ADGRL4: variants seen among roughly 807,000 people sequenced by gnomAD.
The protein encoded by ADGRL4 is EGF, latrophilin and seven transmembrane domain containing 1.
In ADGRL4, 90 loss-of-function variants were observed where a neutral mutation model predicts 74.8. The observed-to-expected ratio is 1.20, with a 90% confidence interval of 1.02 to 1.43. ADGRL4 has a LOEUF of 1.43. Among genes scored for constraint, ADGRL4 ranks in the 40% most tolerant of loss-of-function variants. The pLI is 0.00. For missense variants in ADGRL4, 881 were observed against 814.3 expected (o/e 1.08, Z -1.00); for synonymous variants, 311 against 279.2 (o/e 1.11, Z -1.14).
At chr1:78,920,487 CA>C (rs2100672029) in intron 9 of ADGRL4, 101 bp from the exon 10 acceptor site, 2 of 692,344 alleles carry the variant, frequency 2.9e-6, no homozygotes, top group East Asian at 5.7e-5. Flanking sequence ...AAACATTAAT[CA>C]AAATGTTCAT....
At chr1:78,963,021 C>A (rs1285481036) in intron 2 of ADGRL4, among the ~76,000 whole-genome samples, 3 of 152,104 alleles carry the variant, frequency 2.0e-5, no homozygotes, top group Admixed American at 1.3e-4. Flanking sequence ...AATCTGCCCT[C>A]TGTTTTAAAC....
intron 2 of ADGRL4, among the ~76,000 whole-genome samples, chr1:78,990,945 A>G (rs1273091161): frequency 1.3e-5 from 2 of 152,014 alleles, no homozygotes; most frequent in Non-Finnish European, 2.9e-5. Context: ...ATTTCAAAAT[A>G]TCAATAATTT....
At chr1:78,973,882 T>C (rs1267511720) in intron 2 of ADGRL4, among the ~76,000 whole-genome samples, 1 of 152,080 alleles carries the variant, frequency 6.6e-6, no homozygotes, top group Non-Finnish European at 1.5e-5. Context: ...TTCTAATAAA[T>C]AAACTAAGGC....
chr1:78,906,805 C>T (rs549012054), intron 12 of ADGRL4, among the ~76,000 whole-genome samples: 19 of 151,832 alleles, frequency 1.3e-4, no homozygotes, highest in South Asian at 6.2e-4. Flanking sequence ...ATAGAACTTT[C>T]GCAATTAAAT....
intron 9 of ADGRL4, among the ~76,000 whole-genome samples, chr1:78,921,026 T>C (rs918355450): frequency 2.7e-5 from 4 of 150,260 alleles, no homozygotes; most frequent in African/African-American, 2.4e-5. Flanking sequence ...TAAATAAATA[T>C]ATTAAAATGG....
chr1:78,943,891 C>T (rs11589307), intron 3 of ADGRL4, among the ~76,000 whole-genome samples: 18,425 of 152,086 alleles, frequency 0.12, 1,276 homozygotes, highest in East Asian at 0.33. Context: ...GGGCTCAATA[C>T]TGGGTATTGG....
chr1:78,901,607 G>A lies in ADGRL4; in HGVS notation c.1750-8418C>T, dbSNP rs1648520631. Reference sequence around the variant, plus strand: ...AGCACCTGTTAAACACTTTTTGTTAGTAAAGTAATGGTTAGAAATAAAATG... The same window carrying A: ...AGCACCTGTTAAACACTTTTTGTTAATAAAGTAATGGTTAGAAATAAAATG... On this transcript the variant is annotated intron_variant, in intron 12 of 14. Coordinates refer to ENST00000370742, the MANE Select transcript of ADGRL4 (RefSeq NM_022159.4). 2.0e-5 allele frequency among the ~76,000 whole-genome samples: 3 copies of A among 152,130 alleles called. No homozygotes were observed. The South Asian group carries it at 6.2e-4, about 32-fold the overall frequency.
At position 78,926,975 on chromosome 1, in the gene ADGRL4, T is replaced by A. The variant is rs575573094; in HGVS notation, c.994A>T (p.Ile332Leu). The A allele has an allele frequency of 2.5e-6, 4 of 1,611,858 alleles. No homozygotes were observed. The highest frequency in any genetic ancestry group is 2.2e-5 in the East Asian group (1 of 44,680). ...ATTGAGACTGAAATTACTGAAGATA[T>A]GACTCTTTCCTCCTCTTCAGAATTA... ...YDNSEEEERVISSVISVSMSS... is the reference protein window; with the variant it reads ...YDNSEEEERVLSSVISVSMSS... Residue 332 changes from isoleucine to leucine, a missense_variant, in exon 8 of 15, where the codon ATA (isoleucine) becomes TTA (leucine). Coordinates refer to ENST00000370742, the MANE Select transcript of ADGRL4 (RefSeq NM_022159.4).
At chr1:78,946,576 C>A (rs1044015549) in intron 2 of ADGRL4, 150 bp from the exon 3 acceptor site, 1 of 604,648 alleles carries the variant, frequency 1.7e-6, no homozygotes, top group African/African-American at 1.9e-5. Flanking sequence ...AATCCATATT[C>A]CACACTTCCT....
At chr1:78,922,175 A>T (rs1649014515) in intron 8 of ADGRL4, among the ~76,000 whole-genome samples, 1 of 152,072 alleles carries the variant, frequency 6.6e-6, no homozygotes, top group Non-Finnish European at 1.5e-5. Flanking sequence ...ATTAAATTCT[A>T]GTTAGAGATG....
Position 78,917,965 on chromosome 1 carries a change from T to C in ADGRL4, c.1547A>G (p.Tyr516Cys), listed in dbSNP as rs771685714. The change falls in exon 11 of 15, where the codon TAT (tyrosine) becomes TGT (cysteine). Residue 516 changes from tyrosine to cysteine, a missense_variant. Coordinates refer to ENST00000370742, the MANE Select transcript of ADGRL4 (RefSeq NM_022159.4). ...AWMCIEGIHL[Y>C]LIVVGVIYNK... ...GTAGATGACACCCACAACAATGAGATAGAGATGTATGCCTTCAATGCACAT... is the reference window on the plus strand; with the variant it reads ...GTAGATGACACCCACAACAATGAGACAGAGATGTATGCCTTCAATGCACAT... 20 of 1,612,216 alleles carry C rather than the reference T, an allele frequency of 1.2e-5. No individual in the cohort carries two copies. Among genetic ancestry groups the C allele is most frequent in the Admixed American group, 1.7e-5 (1 of 59,808 alleles).
At chr1:78,897,283 G>A (rs1648418244) in intron 12 of ADGRL4, among the ~76,000 whole-genome samples, 1 of 152,068 alleles carries the variant, frequency 6.6e-6, no homozygotes, top group African/African-American at 2.4e-5. Context: ...ATCTTGTGGA[G>A]TCCAGTTTTA....
At chr1:78,895,904 C>G (rs564388475) in intron 12 of ADGRL4, among the ~76,000 whole-genome samples, 2 of 152,142 alleles carry the variant, frequency 1.3e-5, no homozygotes, top group East Asian at 3.9e-4. Flanking sequence ...GCAAGTGCAA[C>G]ACGACTCAGA....
At chr1:79,001,065 G>T (rs1057062452) in intron 2 of ADGRL4, among the ~76,000 whole-genome samples, 1 of 151,446 alleles carries the variant, frequency 6.6e-6, no homozygotes, top group Non-Finnish European at 1.5e-5. Flanking sequence ...TGAAAATCAG[G>T]AGCCACCTCC....
At chr1:78,893,076 G>T (rs765828059) in intron 13 of ADGRL4, 22 bp downstream of exon 13, 323 of 768,610 alleles carry the variant, frequency 4.2e-4, no homozygotes, top group Middle Eastern at 7.6e-4. Flanking sequence ...AAAAAAAAAA[G>T]TGAACTTAAA....
intron 2 of ADGRL4, among the ~76,000 whole-genome samples, chr1:78,954,177 A>T (rs1454328802): frequency 1.1e-4 from 17 of 150,176 alleles, no homozygotes; most frequent in African/African-American, 3.3e-4. Context: ...AATAAATAAT[A>T]AATAAATAGT....
At chr1:78,959,936 T>C (rs1649915040) in intron 2 of ADGRL4, among the ~76,000 whole-genome samples, 1 of 152,120 alleles carries the variant, frequency 6.6e-6, no homozygotes, top group African/African-American at 2.4e-5. Context: ...TAATATAATA[T>C]AAAGAATAAG....
chr1:78,932,709 T>A (rs1649269566), intron 7 of ADGRL4, among the ~76,000 whole-genome samples: 2 of 143,914 alleles, frequency 1.4e-5, no homozygotes, highest in African/African-American at 5.3e-5. Flanking sequence ...GAGAGAAGAA[T>A]CAAATAGGCA....
chr1:78,910,163 T>C (rs1035942698), intron 12 of ADGRL4, among the ~76,000 whole-genome samples: 2 of 151,796 alleles, frequency 1.3e-5, no homozygotes, highest in East Asian at 3.9e-4. Flanking sequence ...TCTTGTAATA[T>C]TTGCATTTTT....
Sources: gnomAD v4.1 joint callset for allele counts (sites outside exome capture counted in the v4.1 genomes callset) on GRCh38, gnomAD v4.1.1 for gene constraint, MANE v1.5 for transcripts, NCBI Gene and HGNC (gene_info 2026-07-23, HGNC 2026-07-21) for gene names.